COL4A6: variants seen among roughly 807,000 people sequenced by gnomAD.
COL4A6 encodes collagen type IV alpha 6 chain.
COL4A6 carries 59 observed loss-of-function variants against 126.7 expected under a neutral mutation model. That is an observed-to-expected ratio of 0.47 (90% CI 0.38 to 0.58). COL4A6 has a LOEUF of 0.58. Ranked by LOEUF, COL4A6 falls within the 20% of genes least tolerant of loss-of-function variation. The probability of loss-of-function intolerance (pLI) is 0.00; values close to 1 mark genes in which losing one functional copy is unlikely to be tolerated. For synonymous variants in COL4A6, 547 were observed against 496.6 expected, an observed-to-expected ratio of 1.10 and a Z score of -1.35; for missense variants, 1,285 against 1,337.3, an observed-to-expected ratio of 0.96 and a Z score of 0.61.
At chrX:108,275,482 C>G (rs896219804) in intron 3 of COL4A6, among the ~76,000 whole-genome samples, 1 of 112,391 alleles carries the variant, frequency 8.9e-6, no homozygotes, top group Non-Finnish European at 1.9e-5. Context: ...ATTGCTCTAT[C>G]CTGTATGAGT....
At chrX:108,244,310 T>C (rs1268208798) in intron 3 of COL4A6, among the ~76,000 whole-genome samples, 2 of 111,642 alleles carry the variant, frequency 1.8e-5, no homozygotes, top group African/African-American at 6.5e-5. Flanking sequence ...AAGACTTTTA[T>C]AGCAAAATCA....
chrX:108,180,771 C>G, intron 24 of COL4A6, 126 bp downstream of exon 24: 2 of 844,039 alleles, frequency 2.4e-6, no homozygotes, highest in Non-Finnish European at 3.4e-6. Context: ...ATCCTGTTTC[C>G]TCAATCCCCA....
chrX:108,339,650 A>C (rs1057152485), intron 2 of COL4A6, among the ~76,000 whole-genome samples: 1 of 111,425 alleles, frequency 9.0e-6, no homozygotes, highest in Non-Finnish European at 1.9e-5. Flanking sequence ...TATTTTGATC[A>C]CAGGATTGAG....
intron 2 of COL4A6, among the ~76,000 whole-genome samples, chrX:108,311,566 A>C (rs1416298575): frequency 9.0e-6 from 1 of 111,139 alleles, no homozygotes; most frequent in African/African-American, 3.3e-5. Context: ...TTCATTAAAA[A>C]CATCAAGCCT....
At position 108,385,600 on chromosome X, in the gene COL4A6, A is replaced by C. The variant is rs781152874; in HGVS notation, c.63+52342T>G. Among the ~76,000 whole-genome samples the C allele has an allele frequency of 3.6e-5, 4 of 112,172 alleles. No homozygotes were observed. In the South Asian group the frequency reaches 1.5e-3, roughly 42 times the overall value. On this transcript the variant is annotated intron_variant, in intron 2 of 44. Transcript: ENST00000334504. ...TTTCCTCCTTTCAAAACTTACTTCA[A>C]AGCAACAATAATCAGGACAGTATGG...
At chrX:108,201,117 A>G (rs1032651212) in intron 13 of COL4A6, among the ~76,000 whole-genome samples, 2 of 111,553 alleles carry the variant, frequency 1.8e-5, no homozygotes, top group Non-Finnish European at 3.8e-5. Flanking sequence ...AGTAATAAGA[A>G]TCATCATAGA....
At chrX:108,281,981 A>G (rs1035495077) in intron 3 of COL4A6, among the ~76,000 whole-genome samples, 1 of 110,661 alleles carries the variant, frequency 9.0e-6, no homozygotes, top group African/African-American at 3.3e-5. Flanking sequence ...CTTACACCTT[A>G]TACAAAAATT....
chrX:108,365,530 C>G (rs926152635), intron 2 of COL4A6, among the ~76,000 whole-genome samples: 1 of 111,527 alleles, frequency 9.0e-6, no homozygotes, highest in Non-Finnish European at 1.9e-5. Context: ...TTCTTAAACA[C>G]AAAATCAGTA....
intron 13 of COL4A6, among the ~76,000 whole-genome samples, chrX:108,199,162 T>C (rs2148185579): frequency 9.0e-6 from 1 of 110,502 alleles, no homozygotes; most frequent in South Asian, 4.1e-4. Flanking sequence ...AGATTTGGAC[T>C]CATATAGGAA....
intron 3 of COL4A6, among the ~76,000 whole-genome samples, chrX:108,298,522 C>T (rs1023187295): frequency 1.8e-5 from 2 of 111,467 alleles, no homozygotes; most frequent in African/African-American, 6.5e-5. Flanking sequence ...TGGGTGATGG[C>T]GCTGCAGGGA....
intron 2 of COL4A6, among the ~76,000 whole-genome samples, chrX:108,346,401 A>G (rs1170486659): frequency 3.6e-5 from 4 of 111,589 alleles, no homozygotes; most frequent in Non-Finnish European, 7.5e-5. Flanking sequence ...ACCGCCTTTC[A>G]CAAACTGTCC....
At chrX:108,223,543 G>A (rs1379326183) in intron 3 of COL4A6, among the ~76,000 whole-genome samples, 1 of 111,002 alleles carries the variant, frequency 9.0e-6, no homozygotes, top group Non-Finnish European at 1.9e-5. Context: ...GCCCATGGCT[G>A]GGGGAAGTCA....
rs764500971 is a variant in COL4A6, at chrX:108,397,326, C to T, written c.63+40616G>A. Among the ~76,000 whole-genome samples the T allele has an allele frequency of 2.7e-5, 3 of 111,364 alleles. No homozygotes were observed. In the East Asian group the frequency reaches 8.5e-4, roughly 32 times the overall value. ...GATGGTGATGATCTGTTCTTTGAGG[C>T]CTTCCTCATCCTCTCCAAAAGTGGG... is the stretch of plus-strand genomic sequence containing the variant. On this transcript the variant is annotated intron_variant, in intron 2 of 44. Coordinates refer to ENST00000334504, the MANE Select transcript of COL4A6 (RefSeq NM_033641.4).
intron 2 of COL4A6, among the ~76,000 whole-genome samples, chrX:108,370,601 TA>T (rs746451564): frequency 2.7e-5 from 3 of 111,700 alleles, no homozygotes; most frequent in Admixed American, 9.5e-5. Context: ...GGACATTATA[TA>T]TAGCTTCTCT....
At chrX:108,204,135 C>A (rs757241112) in intron 12 of COL4A6, among the ~76,000 whole-genome samples, 185 bp downstream of exon 12, 1 of 111,965 alleles carries the variant, frequency 8.9e-6, no homozygotes, top group Admixed American at 9.4e-5. Context: ...ACATACTCAG[C>A]CTTTTAAGAA....
At chrX:108,183,478 C>T (rs2034748837) in intron 23 of COL4A6, among the ~76,000 whole-genome samples, 1 of 111,034 alleles carries the variant, frequency 9.0e-6, no homozygotes, top group Non-Finnish European at 1.9e-5. Context: ...AGGAAATCAG[C>T]CCCTCTCAGA....
chrX:108,172,380 A>AG, intron 32 of COL4A6, 89 bp downstream of exon 32: 1 of 446,698 alleles, frequency 2.2e-6, no homozygotes, highest in Non-Finnish European at 3.3e-6. Flanking sequence ...AAAAAAAAAA[A>AG]AAAAAAAAAA....
rs1203519260 is a variant in COL4A6 at position 108,214,227 on chromosome X, C to A, written c.326G>T (p.Gly109Val). 2 of 1,181,813 alleles carry A rather than the reference C, an allele frequency of 1.7e-6. No homozygotes were observed. The highest frequency in any genetic ancestry group is 6.0e-5 in the East Asian group (2 of 33,495). Residue 109 changes from glycine to valine, a missense_variant and splice_region_variant, in exon 6 of 45, where the codon GGC becomes GTC. Gly to Val is a moderately radical substitution (Grantham distance 109). Transcript: ENST00000334504. ...PGFLGINGIP[G>V]HPGQPGPRGP... ...TCTGGGGCCTGGTTGTCCAGGGTGG[C>A]CCTGTTCAAAGAGAAAAGAAGGGAT...
chrX:108,379,930 T>C (rs1202715377), intron 2 of COL4A6, among the ~76,000 whole-genome samples: 1 of 111,540 alleles, frequency 9.0e-6, no homozygotes, highest in East Asian at 2.8e-4. Flanking sequence ...GTCTTCTCTC[T>C]TCATTATTGC....
Sources: allele counts gnomAD v4.1 joint callset (sites outside exome capture counted in the v4.1 genomes callset), GRCh38; gene constraint gnomAD v4.1.1; transcripts MANE v1.5; gene names NCBI Gene and HGNC (gene_info 2026-07-23, HGNC 2026-07-21).